The following ABCC1 variants were observed in gnomAD, a reference collection of about 807,000 sequenced individuals.
The protein encoded by ABCC1 is multidrug resistance-associated protein 1.
ABCC1 carries 83 observed loss-of-function variants against 172.9 expected under a neutral mutation model. The ratio of observed to expected loss-of-function variants is 0.48; its 90% CI spans 0.40 to 0.58. The LOEUF is 0.58. ABCC1 is among the 20% of genes least tolerant of loss of function. The probability of loss-of-function intolerance (pLI) is 0.00; values close to 1 mark genes in which losing one functional copy is unlikely to be tolerated. For synonymous variants in ABCC1, 937 were observed against 825.2 expected, an observed-to-expected ratio of 1.14 and a Z score of -2.32; for missense variants, 1,817 against 2,002.7, an observed-to-expected ratio of 0.91 and a Z score of 1.77.
At chr16:16,116,748 C>T (rs1195656614) in intron 23 of ABCC1, among the ~76,000 whole-genome samples, 6 of 152,080 alleles carry the variant, frequency 3.9e-5, no homozygotes, top group East Asian at 3.9e-4. Context: ...TTAGTAGAGA[C>T]GAGGTTTCAC....
chr16:16,117,005 C>T (rs1357411528), intron 23 of ABCC1, among the ~76,000 whole-genome samples: 3 of 152,168 alleles, frequency 2.0e-5, no homozygotes, highest in Non-Finnish European at 2.9e-5. Flanking sequence ...AGGGATGATT[C>T]ACACCGCGGA....
Position 16,016,489 on chromosome 16 carries a change from C to T in ABCC1, c.490-7C>T. 1.9e-6 allele frequency: 3 copies of T among 1,613,950 alleles called. No homozygotes were observed. Among genetic ancestry groups the T allele is most frequent in the Non-Finnish European group, 1.7e-6 (2 of 1,179,940 alleles). ...ATCTTTTTCTTCCTTCCTTCCCCACCATGTAGGATGCCCAGGTGGACCTGT... is the reference window on the plus strand; with the variant it reads ...ATCTTTTTCTTCCTTCCTTCCCCACTATGTAGGATGCCCAGGTGGACCTGT... On this transcript the variant is annotated splice_polypyrimidine_tract_variant and splice_region_variant and intron_variant, in intron 4 of 30. Transcript: ENST00000399410.
At chr16:16,058,386 C>T (rs2049762375) in intron 12 of ABCC1, among the ~76,000 whole-genome samples, 2 of 152,106 alleles carry the variant, frequency 1.3e-5, no homozygotes, top group South Asian at 4.1e-4. Flanking sequence ...ATATGTTTTT[C>T]TGGCAAGTTT....
At chr16:16,078,311 T>C (rs1199316735) in intron 15 of ABCC1, among the ~76,000 whole-genome samples, 1 of 151,988 alleles carries the variant, frequency 6.6e-6, no homozygotes, top group Non-Finnish European at 1.5e-5. Context: ...GCAGTGGGAG[T>C]GGCCTGGGGT....
chr16:16,104,254 G>A (rs1423195644), intron 20 of ABCC1, among the ~76,000 whole-genome samples: 1 of 152,168 alleles, frequency 6.6e-6, no homozygotes, highest in African/African-American at 2.4e-5. Flanking sequence ...CTGGCAGCCA[G>A]CTTTTATTCT....
At chr16:16,097,438 T>G (rs1475952582) in intron 19 of ABCC1, among the ~76,000 whole-genome samples, 2 of 152,138 alleles carry the variant, frequency 1.3e-5, no homozygotes, top group Non-Finnish European at 2.9e-5. Flanking sequence ...TGGTTGTCTC[T>G]CCATCCCCAG....
chr16:15,983,717 G>A (rs2046681436), intron 1 of ABCC1, among the ~76,000 whole-genome samples: 2 of 151,840 alleles, frequency 1.3e-5, no homozygotes, highest in African/African-American at 4.8e-5. Flanking sequence ...TACCATGCCT[G>A]GCTAATTTTG....
At chr16:16,025,132 G>A (rs1190852444) in intron 5 of ABCC1, among the ~76,000 whole-genome samples, 1 of 152,156 alleles carries the variant, frequency 6.6e-6, no homozygotes, top group Admixed American at 6.5e-5. Flanking sequence ...AAGCAACAGG[G>A]CAAACAAATC....
At chr16:16,079,543 T>C in intron 16 of ABCC1, 65 bp downstream of exon 16, 1 of 1,555,032 alleles carries the variant, frequency 6.4e-7, no homozygotes, top group East Asian at 2.3e-5. Flanking sequence ...AGCTCAGAAA[T>C]GATGGTGTTT....
Position 16,114,968 on chromosome 16 carries a change from C to A in ABCC1, c.3282C>A (p.Phe1094Leu). Residue 1094 changes from phenylalanine (F) to leucine (L), a missense_variant, in exon 23 of 31, where the codon TTC (phenylalanine) becomes TTA (leucine). Phe to Leu is a conservative substitution (Grantham distance 22). Transcript: ENST00000399410. Reference protein sequence around the residue: ...DSMIPEVIKMFMGSLFNVIGA... With the variant: ...DSMIPEVIKMLMGSLFNVIGA... Reference sequence around the variant, plus strand: ...TGATCCCGGAGGTCATCAAGATGTTCATGGGCTCCCTGTTCAACGTCATTG... The same window carrying A: ...TGATCCCGGAGGTCATCAAGATGTTAATGGGCTCCCTGTTCAACGTCATTG... The A allele has an allele frequency of 6.2e-7, 1 of 1,614,220 alleles. No individual in the cohort carries two copies. Among genetic ancestry groups the A allele is most frequent in the Non-Finnish European group, 8.5e-7 (1 of 1,180,034 alleles).
At chr16:15,986,899 G>A (rs1041569144) in intron 1 of ABCC1, among the ~76,000 whole-genome samples, 1 of 152,208 alleles carries the variant, frequency 6.6e-6, no homozygotes, top group Non-Finnish European at 1.5e-5. Context: ...AGGAGGCCGG[G>A]TGCAGTGGCT....
chr16:15,957,710 A>G (rs2046029447), intron 1 of ABCC1, among the ~76,000 whole-genome samples: 1 of 152,006 alleles, frequency 6.6e-6, no homozygotes, highest in African/African-American at 2.4e-5. Context: ...ATTCTGCCTC[A>G]GCCTCCCCAG....
intron 1 of ABCC1, among the ~76,000 whole-genome samples, chr16:15,991,600 G>A (rs866479398): frequency 6.6e-6 from 1 of 151,664 alleles, no homozygotes; most frequent in East Asian, 1.9e-4. Context: ...ATCAGTGAAT[G>A]TAGACTCTGC....
At chr16:16,127,443 C>A (rs1311148126) in intron 26 of ABCC1, among the ~76,000 whole-genome samples, 1 of 152,204 alleles carries the variant, frequency 6.6e-6, no homozygotes, top group African/African-American at 2.4e-5. Context: ...TAGTGATCTG[C>A]CTGCCTTGGC....
intron 5 of ABCC1, among the ~76,000 whole-genome samples, chr16:16,022,373 C>G (rs45544731): frequency 0.053 from 8,045 of 152,208 alleles, 245 homozygotes; most frequent in Middle Eastern, 0.14. Flanking sequence ...ACCAAGACTG[C>G]CAGAGCTCCG....
chr16:16,103,776 G>A (rs1049641881), intron 20 of ABCC1, among the ~76,000 whole-genome samples: 7 of 152,138 alleles, frequency 4.6e-5, no homozygotes, highest in African/African-American at 1.2e-4. Context: ...CAAACACTTC[G>A]TAGATGTCGC....
At chr16:16,091,364 T>A (rs532563583) in intron 19 of ABCC1, among the ~76,000 whole-genome samples, 152 of 131,040 alleles carry the variant, frequency 1.2e-3, no homozygotes, top group Non-Finnish European at 2.0e-3. Context: ...CAGGAGGAAT[T>A]CAAGACCAGC....
chr16:16,111,097 C>T (rs1028987105), intron 21 of ABCC1, among the ~76,000 whole-genome samples: 3 of 152,084 alleles, frequency 2.0e-5, no homozygotes, highest in Non-Finnish European at 4.4e-5. Flanking sequence ...CAGGATTTTG[C>T]CATATTGGCC....
At chr16:15,979,506 CTT>C (rs1232082442) in intron 1 of ABCC1, among the ~76,000 whole-genome samples, 1 of 80,182 alleles carries the variant, frequency 1.2e-5, no homozygotes, top group Non-Finnish European at 2.7e-5. Context: ...CTCTCTCTCT[CTT>C]TTTTAATAAA....
Sources: gnomAD v4.1 joint callset for allele counts (sites outside exome capture counted in the v4.1 genomes callset) on GRCh38, gnomAD v4.1.1 for gene constraint, MANE v1.5 for transcripts, NCBI Gene and HGNC (gene_info 2026-07-23, HGNC 2026-07-21) for gene names.